ANKRD30BL: variants seen among roughly 807,000 people sequenced by gnomAD.
The protein encoded by ANKRD30BL is ankyrin repeat domain 30B like, also known as putative ankyrin repeat domain-containing protein 30B-like.
ANKRD30BL carries 20 observed loss-of-function variants against 18.4 expected under a neutral mutation model. That is an observed-to-expected ratio of 1.09 (90% CI 0.77 to 1.58). ANKRD30BL has a LOEUF of 1.58. ANKRD30BL is among the 40% of genes most tolerant of loss of function. ANKRD30BL has a pLI of 0.00. For missense variants in ANKRD30BL, 224 were observed against 268.6 expected (o/e 0.83, Z 1.16); for synonymous variants, 72 against 100.9 (o/e 0.71, Z 1.72).
At chr2:132,210,280 T>A (rs1679310006) in intron 1 of ANKRD30BL, among the ~76,000 whole-genome samples, 1 of 152,206 alleles carries the variant, frequency 6.6e-6, no homozygotes, top group Non-Finnish European at 1.5e-5. Context: ...ACCTTTCTTT[T>A]GATTGAGCAG....
At chr2:132,238,413 A>C (rs1680220940) in intron 1 of ANKRD30BL, among the ~76,000 whole-genome samples, 1 of 151,778 alleles carries the variant, frequency 6.6e-6, no homozygotes, top group Non-Finnish European at 1.5e-5. Context: ...ATATTTGGAC[A>C]GCTTTGATGC....
chr2:132,172,644 A>G (rs768341088), intron 1 of ANKRD30BL, among the ~76,000 whole-genome samples: 2 of 151,600 alleles, frequency 1.3e-5, no homozygotes, highest in Non-Finnish European at 2.9e-5. Flanking sequence ...TACTGATGTC[A>G]TATCACATAT....
chr2:132,222,004 G>T, intron 1 of ANKRD30BL, among the ~76,000 whole-genome samples: 1 of 134,716 alleles, frequency 7.4e-6, no homozygotes, highest in South Asian at 2.5e-4. Flanking sequence ...GAAGTGAGGA[G>T]CCCCTCTGCC....
At chr2:132,238,653 A>G (rs796320700) in intron 1 of ANKRD30BL, among the ~76,000 whole-genome samples, 1 of 151,364 alleles carries the variant, frequency 6.6e-6, no homozygotes, top group Non-Finnish European at 1.5e-5. Flanking sequence ...TCTCAGAAAC[A>G]TCTTTCTGAT....
chr2:132,160,895 TAAAG>T (rs914257443), intron 1 of ANKRD30BL, among the ~76,000 whole-genome samples: 1 of 150,678 alleles, frequency 6.6e-6, no homozygotes, highest in African/African-American at 2.5e-5. Context: ...GTAAAACTGA[TAAAG>T]AACTTGCATC....
At chr2:132,253,117 A>G in intron 1 of ANKRD30BL, 1 of 182,186 alleles carries the variant, frequency 5.5e-6, no homozygotes, top group Non-Finnish European at 1.2e-5. Flanking sequence ...CACCCCGAGG[A>G]GCCCAGAGGC....
chr2:132,222,119 A>T (rs1679708065), intron 1 of ANKRD30BL, among the ~76,000 whole-genome samples: 1 of 139,814 alleles, frequency 7.2e-6, no homozygotes. Context: ...CAGCCGCCCT[A>T]TCTGGGAGGT....
In ANKRD30BL at chr2:132,215,437, G is replaced by A. The variant is rs1239936513; in HGVS notation, n.441+42092C>T. On this transcript the variant is annotated intron_variant and non_coding_transcript_variant, in intron 1 of 4. Coordinates refer to the ANKRD30BL transcript ENST00000470729. ...TCTCACAGAGTTGAACCTTACTTTT[G>A]ATTAAGCAGTTCTGAAAAACCCTTT... Among the ~76,000 whole-genome samples, 3 of 152,196 alleles carry A rather than the reference G, an allele frequency of 2.0e-5. No homozygotes were observed. The South Asian group carries it at 6.2e-4, about 31-fold the overall frequency.
intron 1 of ANKRD30BL, among the ~76,000 whole-genome samples, chr2:132,200,622 C>T (rs542929558): frequency 6.3e-4 from 96 of 152,200 alleles, no homozygotes; most frequent in Non-Finnish European, 8.7e-4. Context: ...GAACTACAAA[C>T]CACTGCTCAA....
intron 1 of ANKRD30BL, among the ~76,000 whole-genome samples, chr2:132,159,078 C>A (rs576635554): frequency 3.3e-5 from 5 of 151,926 alleles, no homozygotes; most frequent in Non-Finnish European, 7.4e-5. Flanking sequence ...ATATTAAACA[C>A]CCTCAAATAA....
Position 132,147,830 on chromosome 2 carries a change from A to G in ANKRD30BL, c.*301T>C, listed in dbSNP as rs1687646431. On this transcript the variant is annotated 3_prime_UTR_variant, in exon 6 of 6. Transcript: ENST00000409867. ...GGCAGGGTGAGTAGTTTCAGCGGGA[A>G]AGACAGTTACAGAGCAGGTGTCTAA... 1 of 343,874 alleles carries G rather than the reference A, an allele frequency of 2.9e-6. No homozygotes were observed. Among genetic ancestry groups the G allele is most frequent in the African/African-American group, 2.1e-5 (1 of 47,584 alleles). The allele number at this position is 343,874 out of a possible 1,614,324, so 21.3% of individuals were successfully genotyped here. A position where few individuals can be genotyped will look rare whatever the true frequency, so the allele number is the denominator to read the frequency against.
intron 1 of ANKRD30BL, among the ~76,000 whole-genome samples, chr2:132,236,220 TAAA>T (rs575812653): frequency 7.2e-5 from 11 of 151,956 alleles, no homozygotes; most frequent in Non-Finnish European, 1.2e-4. Context: ...ACGTTCAACC[TAAA>T]ACCATAAAAA....
At chr2:132,184,234 G>C (rs1412879885) in intron 1 of ANKRD30BL, among the ~76,000 whole-genome samples, 2 of 151,996 alleles carry the variant, frequency 1.3e-5, no homozygotes, top group East Asian at 3.9e-4. Flanking sequence ...CACCATGCCT[G>C]GCTAATTTTT....
At chr2:132,187,196 T>G (rs1438827700) in intron 1 of ANKRD30BL, among the ~76,000 whole-genome samples, 50 of 140,624 alleles carry the variant, frequency 3.6e-4, no homozygotes, top group African/African-American at 1.1e-3. Flanking sequence ...TTGTTTTTTT[T>G]TTTTTTTTTT....
chr2:132,159,360 T>A (rs1687996737), intron 1 of ANKRD30BL, among the ~76,000 whole-genome samples: 1 of 152,152 alleles, frequency 6.6e-6, no homozygotes. Context: ...ATCTGCAACT[T>A]AAACTTTAAA....
intron 1 of ANKRD30BL, among the ~76,000 whole-genome samples, chr2:132,223,296 A>G (rs992026553): frequency 1.6e-4 from 25 of 152,150 alleles, no homozygotes; most frequent in African/African-American, 6.0e-4. Flanking sequence ...TAAACACTAG[A>G]CAGAAGCATT....
intron 1 of ANKRD30BL, among the ~76,000 whole-genome samples, chr2:132,230,427 G>A (rs888628056): frequency 6.6e-6 from 1 of 152,038 alleles, no homozygotes; most frequent in Non-Finnish European, 1.5e-5. Flanking sequence ...TTATATGCAA[G>A]TGGACAAATG....
chr2:132,166,834 T>C (rs915915595), upstream of ANKRD30BL, among the ~76,000 whole-genome samples: 2 of 152,060 alleles, frequency 1.3e-5, no homozygotes, highest in African/African-American at 4.8e-5. Flanking sequence ...ATTTTTCCCT[T>C]GTTATTTACT....
At chr2:132,231,788 G>C (rs1406246487) in intron 1 of ANKRD30BL, among the ~76,000 whole-genome samples, 2 of 152,220 alleles carry the variant, frequency 1.3e-5, no homozygotes, top group Admixed American at 1.3e-4. Flanking sequence ...ACCCAGGCTT[G>C]CTTAGGTAAA....
Sources: gnomAD v4.1 joint callset for allele counts (sites outside exome capture counted in the v4.1 genomes callset) on GRCh38, gnomAD v4.1.1 for gene constraint, MANE v1.5 for transcripts, NCBI Gene and HGNC (gene_info 2026-07-23, HGNC 2026-07-21) for gene names.